The following TPCN2 variants were observed in gnomAD, a reference collection of about 807,000 sequenced individuals.
TPCN2 encodes the protein two pore segment channel 2.
In TPCN2, 92 loss-of-function variants were observed where a neutral mutation model predicts 111.4. The ratio of observed to expected loss-of-function variants is 0.83; its 90% confidence interval spans 0.70 to 0.98. The LOEUF is 0.98. Ranked by LOEUF, TPCN2 falls within the 50% of genes least tolerant of loss-of-function variation. The pLI is 0.00. For synonymous variants in TPCN2, 405 were observed against 414.5 expected (o/e 0.98, Z 0.28); for missense variants, 995 against 980.1 (o/e 1.02, Z -0.20).
In TPCN2 at chr11:69,058,554, G is replaced by A. The variant is rs1011577531; in HGVS notation, c.546+860G>A. On this transcript the variant is annotated intron_variant, in intron 5 of 24. Transcript: ENST00000294309. The stretch of plus-strand genomic sequence containing the variant: ...GGGGCTGGAAGCTCCAGGTGCAGCT[G>A]ATAGGAACAGCCTAGTGAGTGCATC... Among the ~76,000 whole-genome samples, 96 of 152,232 alleles carry A rather than the reference G, an allele frequency of 6.3e-4. 2 individuals carry two copies. The highest frequency in any genetic ancestry group is 6.1e-3 in the Admixed American group (93 of 15,288).
At chr11:69,072,866 C>T (rs766882542) in intron 12 of TPCN2, 49 bp from the exon 13 acceptor site, 48 of 1,552,446 alleles carry the variant, frequency 3.1e-5, no homozygotes, top group Non-Finnish European at 2.8e-5. Context: ...CCTTCGAGGG[C>T]GCTCACCTTC....
At chr11:69,059,602 T>A (rs1471549738) in intron 5 of TPCN2, among the ~76,000 whole-genome samples, 1 of 152,224 alleles carries the variant, frequency 6.6e-6, no homozygotes, top group Admixed American at 6.5e-5. Flanking sequence ...TCTGGGACCC[T>A]TCCTACAGCC....
At chr11:69,070,826 C>T (rs67673903) in intron 9 of TPCN2, among the ~76,000 whole-genome samples, 51,931 of 131,900 alleles carry the variant, frequency 0.39, 9,963 homozygotes, top group Non-Finnish European at 0.46. Flanking sequence ...CCAGGGATCT[C>T]CCACCAGCAG....
rs767567108 is a variant in TPCN2 at position 69,085,937 on chromosome 11, C to T, written c.2003+7C>T. Reference sequence around the variant, plus strand: ...ATCGGCGCTACTCAGGCCCGTGAGTCCTCGTCTCCCTGACGGCAGTGATTC... The same window carrying T: ...ATCGGCGCTACTCAGGCCCGTGAGTTCTCGTCTCCCTGACGGCAGTGATTC... On this transcript the variant is annotated splice_region_variant and intron_variant, in intron 22 of 24. Transcript: ENST00000294309. 1.9e-6 allele frequency: 3 copies of T among 1,612,270 alleles called. No individual in the cohort carries two copies. The South Asian group carries it at 3.3e-5, about 18-fold the overall frequency.
Position 69,057,675 on chromosome 11 carries a change from T to C in TPCN2, c.527T>C (p.Leu176Pro). ...VVSLVDWTVS[L>P]SLVCHEPLRI... The stretch of plus-strand genomic sequence containing the variant: ...TCTCTGGTGGACTGGACCGTGTCCC[T>C]GAGTCTCGTGTGTCATGAGGTAGGT... The change falls in exon 5 of 25, where the codon CTG becomes CCG. Residue 176 changes from leucine (L) to proline (P), a missense_variant. Transcript: ENST00000294309. The C allele has an allele frequency of 1.9e-6, 3 of 1,614,122 alleles. No individual in the cohort carries two copies. Among genetic ancestry groups the C allele is most frequent in the Non-Finnish European group, 2.5e-6 (3 of 1,179,974 alleles).
chr11:69,077,519 C>T (rs114712066), intron 13 of TPCN2, among the ~76,000 whole-genome samples: 5 of 152,218 alleles, frequency 3.3e-5, no homozygotes, highest in Non-Finnish European at 5.9e-5. Context: ...AGAGGAAGTT[C>T]GCTGATCATT....
chr11:69,086,412 T>C, intron 22 of TPCN2, 111 bp from the exon 23 acceptor site: 1 of 852,520 alleles, frequency 1.2e-6, no homozygotes, highest in Non-Finnish European at 2.0e-6. Flanking sequence ...CATCATGGTG[T>C]GTGTGGGCCG....
At position 69,081,417 on chromosome 11, in the gene TPCN2, G is replaced by C. The variant is rs1208919353; in HGVS notation, c.1607G>C (p.Gly536Ala). Reference protein sequence around the residue: ...PHPGWRPEMVGLLSLWDMTRM... With the variant: ...PHPGWRPEMVALLSLWDMTRM... ...CTCCCCAGGAGGCCGGAGATGGTGGGCCTGCTGTCGCTGTGGGACATGACC... is the reference window on the plus strand; with the variant it reads ...CTCCCCAGGAGGCCGGAGATGGTGGCCCTGCTGTCGCTGTGGGACATGACC... The change falls in exon 18 of 25, where the codon GGC (glycine) becomes GCC (alanine). Residue 536 changes from glycine (G) to alanine (A), a missense_variant. By Grantham distance (60) the Gly-to-Ala change is moderately conservative. Coordinates refer to ENST00000294309, the MANE Select transcript of TPCN2 (RefSeq NM_139075.4). 6.4e-7 allele frequency: 1 copy of C among 1,556,918 alleles called. No individual in the cohort carries two copies.
chr11:69,079,075 C>T (rs760560896), intron 16 of TPCN2, 55 bp downstream of exon 16: 3 of 1,562,734 alleles, frequency 1.9e-6, no homozygotes, highest in East Asian at 2.2e-5. Flanking sequence ...TGAGCGCCAC[C>T]TGGGCTCTGT....
chr11:69,072,589 C>T (rs1232432016), intron 11 of TPCN2, 38 bp from the exon 12 acceptor site: 1 of 1,608,302 alleles, frequency 6.2e-7, no homozygotes, highest in African/African-American at 1.3e-5. Flanking sequence ...GGGAGCCGAG[C>T]TGGCTGTGCT....
Position 69,062,601 on chromosome 11 carries a change from T to TGGGACA in TPCN2, c.547-274_547-269dup, listed in dbSNP as rs1554979620. On this transcript the variant is annotated intron_variant, in intron 5 of 24. Coordinates refer to ENST00000294309, the MANE Select transcript of TPCN2 (RefSeq NM_139075.4). ...TGGGTGGGCACAGGGGAGGATGGCC[T>TGGGACA]GGGACAGGGACAGGTGTTAGGATTG... 1.1e-4 allele frequency among the ~76,000 whole-genome samples: 16 copies of TGGGACA among 151,612 alleles called. No homozygotes were observed. In the Middle Eastern group the frequency reaches 0.01, roughly 98 times the overall value.
chr11:69,067,505 GGAT>G lies in TPCN2; in HGVS notation c.734_736del (p.Asp245del). On this transcript the variant is annotated inframe_deletion, in exon 8 of 25. Transcript: ENST00000294309. ...GGAGCTGCCGCTTCTGCTCTTAGCA[GGAT>G]GATGGGCAGGACAGGGAGAGGCTGA... 1 of 1,613,218 alleles carries G rather than the reference GGAT, an allele frequency of 6.2e-7. No homozygotes were observed. Among genetic ancestry groups the G allele is most frequent in the East Asian group, 2.2e-5 (1 of 44,878 alleles).
At chr11:69,071,263 C>A in intron 9 of TPCN2, 93 bp from the exon 10 acceptor site, 1 of 965,874 alleles carries the variant, frequency 1.0e-6, no homozygotes, top group Non-Finnish European at 1.6e-6. Context: ...TAGGGGACGC[C>A]CCCGGCGCTG....
rs115600276 is a variant in TPCN2 at position 69,059,469 on chromosome 11, C to G, written c.546+1775C>G. On this transcript the variant is annotated intron_variant, in intron 5 of 24. Coordinates refer to ENST00000294309, the MANE Select transcript of TPCN2 (RefSeq NM_139075.4). ...CTTCACCATGTTCACTCCCATTGCC[C>G]TTGCCTGGGTCCCAGTGGGTCCTGG... is the stretch of plus-strand genomic sequence containing the variant. Among the ~76,000 whole-genome samples, 1,239 of 152,340 alleles carry G rather than the reference C, an allele frequency of 8.1e-3. 22 individuals are homozygous for G. The highest frequency in any genetic ancestry group is 0.029 in the African/African-American group (1,192 of 41,570).
At chr11:69,081,375 A>G (rs1350379912) in intron 17 of TPCN2, 25 bp from the exon 18 acceptor site, 7 of 1,510,744 alleles carry the variant, frequency 4.6e-6, no homozygotes, top group Admixed American at 2.0e-5. Flanking sequence ...GCTCCTCCCA[A>G]CCCGCCTCCC....
chr11:69,071,450 C>T (rs1191213896), intron 10 of TPCN2, 30 bp downstream of exon 10: 11 of 1,602,878 alleles, frequency 6.9e-6, no homozygotes, highest in Non-Finnish European at 8.5e-6. Flanking sequence ...CTGGCTGTGC[C>T]TGGAGCTGCC....
chr11:69,069,110 G>C (rs1855397250), intron 8 of TPCN2, among the ~76,000 whole-genome samples: 1 of 137,396 alleles, frequency 7.3e-6, no homozygotes, highest in Admixed American at 7.0e-5. Flanking sequence ...TGAGTCCTAG[G>C]AAGTGACCGC....
chr11:69,079,278 G>T (rs1053016339), intron 16 of TPCN2: 6 of 518,060 alleles, frequency 1.2e-5, no homozygotes, highest in Non-Finnish European at 2.0e-5. Context: ...CCCAGGGGAA[G>T]CCCTGAAGGA....
chr11:69,085,740 C>T lies in TPCN2; in HGVS notation c.1908C>T (p.Phe636=), dbSNP rs762394059. Residue 636 remains phenylalanine (F), a synonymous_variant, in exon 21 of 25, where the codon TTC becomes TTT. Transcript: ENST00000294309. ...AGCTGGAGTACTGGGCCAACAACTT[C>T]GATGACTTTGCGGTGAGCCCTGCGC... ...FEQLEYWANN[F]DDFAAALVTL... 5.5e-5 allele frequency: 89 copies of T among 1,614,008 alleles called. No individual in the cohort carries two copies. The highest frequency in any genetic ancestry group is 7.0e-5 in the Non-Finnish European group (83 of 1,179,980).
Sources: gnomAD v4.1 joint callset for allele counts (sites outside exome capture counted in the v4.1 genomes callset) on GRCh38, gnomAD v4.1.1 for gene constraint, MANE v1.5 for transcripts, NCBI Gene and HGNC (gene_info 2026-07-23, HGNC 2026-07-21) for gene names.